Variants in C12orf42 observed in about 807,000 individuals in gnomAD.
C12orf42 encodes uncharacterized protein C12orf42.
A neutral mutation model predicts 21.6 loss-of-function variants in C12orf42; 25 were observed. The ratio of observed to expected loss-of-function variants is 1.16; its 90% CI spans 0.84 to 1.62. C12orf42 has a LOEUF of 1.62. C12orf42 is among the 40% of genes most tolerant of loss of function. The pLI, the probability that C12orf42 is intolerant of heterozygous loss-of-function variation, is 0.00. For synonymous variants in C12orf42, 174 were observed against 175.0 expected, an observed-to-expected ratio of 0.99 and a Z score of 0.05; for missense variants, 483 against 459.3, an observed-to-expected ratio of 1.05 and a Z score of -0.47.
chr12:103,481,620 G>T (rs898145949), intron 1 of C12orf42, among the ~76,000 whole-genome samples: 1 of 149,992 alleles, frequency 6.7e-6, no homozygotes, highest in Non-Finnish European at 1.5e-5. Flanking sequence ...ATGGTTTGGG[G>T]TGTGTTTTCT....
At chr12:103,277,880 A>G (rs886156985) in intron 4 of C12orf42, among the ~76,000 whole-genome samples, 1 of 152,160 alleles carries the variant, frequency 6.6e-6, no homozygotes, top group Non-Finnish European at 1.5e-5. Context: ...TGGCCTCCCA[A>G]AGTGCTGGGA....
chr12:103,134,971 A>AAAAAC, the C12orf42 span, among the ~76,000 whole-genome samples: 1 of 152,224 alleles, frequency 6.6e-6, no homozygotes, highest in Admixed American at 6.5e-5. Flanking sequence ...CCAAAAGCTA[A>AAAAAC]AAAACAAAAC....
chr12:103,233,294 C>A (rs544990151), downstream of C12orf42, among the ~76,000 whole-genome samples: 8 of 152,092 alleles, frequency 5.3e-5, no homozygotes, highest in South Asian at 2.1e-4. Context: ...CAGTATCATG[C>A]GGGCTATTTT....
chr12:103,296,660 C>G (rs954651695), intron 4 of C12orf42, among the ~76,000 whole-genome samples: 19 of 152,322 alleles, frequency 1.2e-4, no homozygotes, highest in African/African-American at 4.3e-4. Flanking sequence ...TAAATGTCTT[C>G]TTTTGAGAAG....
the C12orf42 span, among the ~76,000 whole-genome samples, chr12:103,501,289 A>G: frequency 1.4e-4 from 21 of 152,198 alleles, no homozygotes; most frequent in Admixed American, 1.4e-3. Flanking sequence ...TGTCAAAAAA[A>G]GGGGGGATAA....
chr12:103,499,990 T>C (rs1236008665), upstream of C12orf42, among the ~76,000 whole-genome samples: 1 of 152,218 alleles, frequency 6.6e-6, no homozygotes, highest in Admixed American at 6.5e-5. Context: ...ATCCTTAATA[T>C]ACAAGGTCTT....
chr12:103,427,835 C>A (rs192655982), intron 2 of C12orf42, among the ~76,000 whole-genome samples: 1 of 152,326 alleles, frequency 6.6e-6, no homozygotes, highest in African/African-American at 2.4e-5. Flanking sequence ...CAAAACCACA[C>A]AACTACATGG....
chr12:103,320,705 A>C (rs531054399), intron 4 of C12orf42, among the ~76,000 whole-genome samples: 11 of 152,242 alleles, frequency 7.2e-5, no homozygotes, highest in Non-Finnish European at 2.9e-5. Flanking sequence ...TCTTTTTAAA[A>C]AGTTGGACTT....
chr12:103,519,407 C>T, the C12orf42 span, among the ~76,000 whole-genome samples: 2 of 151,896 alleles, frequency 1.3e-5, no homozygotes, highest in African/African-American at 4.8e-5. Flanking sequence ...ACTAAGCAGA[C>T]AGTAATTTAA....
At chr12:103,081,679 A>G in the C12orf42 span, 1 of 152,190 alleles carries the variant, frequency 6.6e-6, no homozygotes, top group African/African-American at 2.4e-5. Flanking sequence ...TTCCGAAGGC[A>G]TTATTCCATC....
At chr12:103,504,099 C>A in the C12orf42 span, 24 of 152,400 alleles carry the variant, frequency 1.6e-4, no homozygotes, top group African/African-American at 5.3e-4. Flanking sequence ...CCCTGCTGGC[C>A]AAGGGGGCGC....
chr12:103,495,416 C>T (rs888338294), intron 1 of C12orf42, among the ~76,000 whole-genome samples: 5 of 152,076 alleles, frequency 3.3e-5, no homozygotes, highest in African/African-American at 1.2e-4. Flanking sequence ...CCGGCCCCTC[C>T]CCCGCTCCCT....
intron 10 of C12orf42, among the ~76,000 whole-genome samples, chr12:103,248,567 GTATAA>G (rs1432827191): frequency 7.7e-5 from 11 of 143,534 alleles, no homozygotes; most frequent in Admixed American, 4.7e-4. Flanking sequence ...TATATTACAT[GTATAA>G]TATATTTCTG....
At chr12:103,431,414 C>T (rs935522283) in intron 2 of C12orf42, 3 of 152,174 alleles carry the variant, frequency 2.0e-5, no homozygotes, top group Non-Finnish European at 4.4e-5. Context: ...CTTTATAAAA[C>T]ACTTTCCTAT....
the C12orf42 span, among the ~76,000 whole-genome samples, chr12:103,214,100 A>T: frequency 6.6e-6 from 1 of 152,188 alleles, no homozygotes; most frequent in Non-Finnish European, 1.5e-5. Flanking sequence ...TACCCCATTT[A>T]ATATTCAGGT....
chr12:103,458,214 G>C (rs923445729), intron 2 of C12orf42, among the ~76,000 whole-genome samples: 1 of 151,956 alleles, frequency 6.6e-6, no homozygotes, highest in African/African-American at 2.4e-5. Context: ...TTAATTATGA[G>C]ACATTTCACA....
chr12:103,469,127 TC>T (rs1953380467), intron 2 of C12orf42, among the ~76,000 whole-genome samples: 1 of 152,150 alleles, frequency 6.6e-6, no homozygotes, highest in Admixed American at 6.5e-5. Flanking sequence ...CAGATCCAGT[TC>T]CCAGTATGGG....
chr12:103,304,629 T>C (rs917589641), intron 5 of C12orf42, among the ~76,000 whole-genome samples: 1 of 152,150 alleles, frequency 6.6e-6, no homozygotes, highest in Admixed American at 6.5e-5. Flanking sequence ...CACTAAACCA[T>C]AGGAAAATAA....
At chr12:103,053,615 T>G in the C12orf42 span, among the ~76,000 whole-genome samples, 1 of 151,988 alleles carries the variant, frequency 6.6e-6, no homozygotes, top group Non-Finnish European at 1.5e-5. Flanking sequence ...TGGTCTGAAT[T>G]ATCACTTTTT....
Sources: allele counts gnomAD v4.1 joint callset (sites outside exome capture counted in the v4.1 genomes callset), GRCh38; gene constraint gnomAD v4.1.1; transcripts MANE v1.5; gene names NCBI Gene and HGNC (gene_info 2026-07-23, HGNC 2026-07-21).